Variants in SUPT7L observed in about 807,000 individuals in gnomAD.
SUPT7L encodes the protein SPT7 like, STAGA complex subunit gamma.
In SUPT7L, 15 loss-of-function variants were observed where a neutral mutation model predicts 35.7. The observed-to-expected ratio is 0.42, with a 90% CI of 0.28 to 0.65. SUPT7L has a LOEUF of 0.65. Among genes scored for constraint, SUPT7L ranks in the 30% least tolerant of loss-of-function variants. The pLI is 0.23. For synonymous variants in SUPT7L, 168 were observed against 186.2 expected, an observed-to-expected ratio of 0.90 and a Z score of 0.79; for missense variants, 434 against 522.2, an observed-to-expected ratio of 0.83 and a Z score of 1.65.
Position 27,651,816 on chromosome 2 carries a change from C to T in SUPT7L, c.*1669G>A, listed in dbSNP as rs979802645. On this transcript the variant is annotated 3_prime_UTR_variant, in exon 6 of 6. Transcript: ENST00000337768. ...ACTTTATGGAAACTAACTGCCTAAT[C>T]GCCACTTTCATTATAAACAAAGGAA... 6.6e-6 allele frequency: 1 copy of T among 152,198 alleles called. No individual in the cohort carries two copies. Among genetic ancestry groups the T allele is most frequent in the Non-Finnish European group, 1.5e-5 (1 of 68,048 alleles). 9.4% of individuals were successfully genotyped at this position (152,198 alleles called of 1,614,324 possible). A position where few individuals can be genotyped will look rare whatever the true frequency, so the allele number is the denominator to read the frequency against.
At chr2:27,644,544 T>A in the SUPT7L span, among the ~76,000 whole-genome samples, 1 of 151,664 alleles carries the variant, frequency 6.6e-6, no homozygotes, top group African/African-American at 2.4e-5. Flanking sequence ...ATTCACCTAT[T>A]TTTTTTTATA....
chr2:27,661,703 G>A lies in SUPT7L; in HGVS notation c.15-315C>T, dbSNP rs972304535. On this transcript the variant is annotated intron_variant, in intron 2 of 5. Transcript: ENST00000337768. ...ACAGGGTAGAATTTGGGTCATTAGT[G>A]GACCAATAGCTACAACAGCATCTGG... The A allele has an allele frequency of 9.0e-5, 96 of 1,061,236 alleles. No individual in the cohort carries two copies. The Admixed American group carries it at 1.0e-3, about 11-fold the overall frequency. 65.7% of individuals were successfully genotyped at this position (1,061,236 alleles called of 1,614,324 possible).
intron 1 of SUPT7L, among the ~76,000 whole-genome samples, chr2:27,662,684 C>T (rs1379418151): frequency 2.6e-5 from 4 of 152,138 alleles, no homozygotes; most frequent in Non-Finnish European, 5.9e-5. Flanking sequence ...TTTTTCTGCC[C>T]GTCTATTTCT....
intron 1 of SUPT7L, 74 bp from the exon 2 acceptor site, chr2:27,662,355 G>T: frequency 1.4e-6 from 1 of 726,606 alleles, no homozygotes; most frequent in Non-Finnish European, 2.3e-6. Context: ...AGAGGTATAT[G>T]GACCTGGGGT....
chr2:27,662,088 T>G lies in SUPT7L; in HGVS notation c.14+91A>C, dbSNP rs150407668. On this transcript the variant is annotated intron_variant, in intron 2 of 5. Transcript: ENST00000337768. The stretch of plus-strand genomic sequence containing the variant: ...CTGCTAGACTTACTCTTTTTAAAAC[T>G]TAAATCAAATGGCTTCCCATTGCCT... The G allele has an allele frequency of 1.0e-3, 1,600 of 1,584,448 alleles. 17 individuals carry two copies. In the African/African-American group the frequency reaches 0.018, roughly 18 times the overall value.
chr2:27,642,688 C>T, the SUPT7L span, among the ~76,000 whole-genome samples: 1 of 152,056 alleles, frequency 6.6e-6, no homozygotes, highest in Non-Finnish European at 1.5e-5. Context: ...CTCAGCCTTC[C>T]TGAGTAGCTG....
At chr2:27,644,310 A>C in the SUPT7L span, among the ~76,000 whole-genome samples, 1 of 152,136 alleles carries the variant, frequency 6.6e-6, no homozygotes, top group African/African-American at 2.4e-5. Flanking sequence ...ATTAGTTTTA[A>C]TATCCATTGA....
At chr2:27,656,099 C>T (rs1323161630) in intron 4 of SUPT7L, among the ~76,000 whole-genome samples, 1 of 151,556 alleles carries the variant, frequency 6.6e-6, no homozygotes, top group East Asian at 1.9e-4. Context: ...GTGGAAGGAT[C>T]GCTTGTAGTG....
intron 4 of SUPT7L, among the ~76,000 whole-genome samples, chr2:27,655,903 G>A (rs1403791456): frequency 6.6e-6 from 1 of 152,106 alleles, no homozygotes; most frequent in African/African-American, 2.4e-5. Flanking sequence ...ATTAACAGTA[G>A]GCTGGGCACG....
chr2:27,647,757 A>C, downstream of SUPT7L: 1 of 809,194 alleles, frequency 1.2e-6, no homozygotes, highest in Non-Finnish European at 2.1e-6. Flanking sequence ...TCATCCTGCC[A>C]GTTTATGATC....
chr2:27,659,991 C>T (rs910090845), intron 3 of SUPT7L, among the ~76,000 whole-genome samples: 3 of 152,102 alleles, frequency 2.0e-5, no homozygotes, highest in African/African-American at 7.2e-5. Context: ...TGCACACTGA[C>T]ATCTAGTAGC....
intron 4 of SUPT7L, among the ~76,000 whole-genome samples, chr2:27,656,875 G>T (rs1455899481): frequency 6.6e-6 from 1 of 151,780 alleles, no homozygotes; most frequent in Non-Finnish European, 1.5e-5. Context: ...CTGGCCTCAA[G>T]CAATCCTCCC....
chr2:27,643,969 A>G, the SUPT7L span, among the ~76,000 whole-genome samples: 1 of 152,312 alleles, frequency 6.6e-6, no homozygotes, highest in South Asian at 2.1e-4. This position sits in a 1 kb window ranked among gnomAD's most constrained non-coding sequence, Gnocchi z 4.0. Context: ...ACTTGAGGTC[A>G]GGAATTCGAG....
intron 3 of SUPT7L, among the ~76,000 whole-genome samples, chr2:27,659,138 T>C (rs561119789): frequency 6.6e-6 from 1 of 152,342 alleles, no homozygotes; most frequent in Admixed American, 6.5e-5. Flanking sequence ...GAGTTGGGCG[T>C]GTCTATGCTA....
chr2:27,643,583 G>A, the SUPT7L span, among the ~76,000 whole-genome samples: 2 of 152,104 alleles, frequency 1.3e-5, no homozygotes, highest in African/African-American at 4.8e-5. This position sits in a 1 kb window ranked among gnomAD's most constrained non-coding sequence, Gnocchi z 4.0. Flanking sequence ...AAATCTGGAT[G>A]TGCATTGTAT....
In SUPT7L at chr2:27,663,506, A is replaced by G; in HGVS notation, c.-267T>C. The G allele has an allele frequency of 2.1e-6, 1 of 486,392 alleles. No individual in the cohort carries two copies. Among genetic ancestry groups the G allele is most frequent in the South Asian group, 2.1e-5 (1 of 47,164 alleles). 30.1% of individuals were successfully genotyped at this position (486,392 alleles called of 1,614,324 possible). On this transcript the variant is annotated 5_prime_UTR_variant, in exon 1 of 6. Transcript: ENST00000337768. Reference sequence around the variant, plus strand: ...CTGAACCGAGACAAGGAGGTACCACACTATTCACTGCTGCGTCGCAGAGCG... The same window carrying G: ...CTGAACCGAGACAAGGAGGTACCACGCTATTCACTGCTGCGTCGCAGAGCG...
At position 27,657,248 on chromosome 2, in the gene SUPT7L, CTG is replaced by C; in HGVS notation, c.744+95_744+96del. The C allele has an allele frequency of 1.5e-6, 2 of 1,331,986 alleles. No individual in the cohort carries two copies. Among genetic ancestry groups the C allele is most frequent in the South Asian group, 2.8e-5 (2 of 71,408 alleles). The allele number at this position is 1,331,986 out of a possible 1,614,324, so 82.5% of individuals were successfully genotyped here. ...GTTAAGTTCACTCTGTTCCAAGACT[CTG>C]TGCTCTGCACTCTAGACCAAGTGTT... On this transcript the variant is annotated intron_variant, in intron 4 of 5. Transcript: ENST00000337768. This position sits in a 1 kb window ranked among gnomAD's most constrained non-coding sequence, Gnocchi z 5.2.
Position 27,653,464 on chromosome 2 carries a change from A to C in SUPT7L, c.*21T>G. The C allele has an allele frequency of 6.2e-7, 1 of 1,608,806 alleles. No homozygotes were observed. The highest frequency in any genetic ancestry group is 8.5e-7 in the Non-Finnish European group (1 of 1,177,916). On this transcript the variant is annotated 3_prime_UTR_variant, in exon 6 of 6. Coordinates refer to ENST00000337768, the MANE Select transcript of SUPT7L (RefSeq NM_014860.3). ...CTGTTGGGTCTAGTAGGTCTGGACA[A>C]AACATCTCCCTCTTTTCCTTTTATA...
At chr2:27,649,906 C>T (rs550040682), downstream of SUPT7L, among the ~76,000 whole-genome samples, 3 of 152,270 alleles carry the variant, frequency 2.0e-5, no homozygotes, top group East Asian at 3.9e-4. Context: ...ATTTTAGCTA[C>T]TATGAGGGAG....
Sources: gnomAD v4.1 joint callset for allele counts (sites outside exome capture counted in the v4.1 genomes callset) on GRCh38, gnomAD v4.1.1 for gene constraint, Gnocchi (gnomAD v3.1) non-coding constraint, MANE v1.5 for transcripts, NCBI Gene and HGNC (gene_info 2026-07-23, HGNC 2026-07-21) for gene names.